Variants in PLEKHA7 observed in about 807,000 individuals in gnomAD.
PLEKHA7 encodes the protein pleckstrin homology domain containing A7.
PLEKHA7 carries 104 observed loss-of-function variants against 170.0 expected under a neutral mutation model. The ratio of observed to expected loss-of-function variants is 0.61; its 90% CI spans 0.52 to 0.72. The LOEUF (loss-of-function observed/expected upper bound fraction) is 0.72, where lower values mean the gene tolerates loss of function less well. PLEKHA7 is among the 30% of genes least tolerant of loss of function. The pLI, the probability that PLEKHA7 is intolerant of heterozygous loss-of-function variation, is 0.00. For synonymous variants in PLEKHA7, 648 were observed against 660.8 expected (o/e 0.98, Z 0.30); for missense variants, 1,615 against 1,671.7 (o/e 0.97, Z 0.59).
chr11:16,974,626 GTTT>G (rs397965149), intron 3 of PLEKHA7: 16,014 of 148,608 alleles, frequency 0.11, 1,378 homozygotes, highest in Middle Eastern at 0.16. Context: ...GATTTCACAG[GTTT>G]TTTTTTTTTT....
intron 3 of PLEKHA7, among the ~76,000 whole-genome samples, chr11:16,972,889 A>C (rs1482220019): frequency 6.6e-6 from 1 of 152,236 alleles, no homozygotes; most frequent in Non-Finnish European, 1.5e-5. Context: ...CCTTGACATA[A>C]TAAAACAAAG....
chr11:16,822,022 A>G (rs1239302841), intron 10 of PLEKHA7, among the ~76,000 whole-genome samples: 1 of 150,252 alleles, frequency 6.7e-6, no homozygotes, highest in East Asian at 1.9e-4. Flanking sequence ...TCCCAGGGAA[A>G]GTCCTATGCC....
At chr11:16,820,921 A>G (rs1850166238) in intron 10 of PLEKHA7, among the ~76,000 whole-genome samples, 1 of 152,236 alleles carries the variant, frequency 6.6e-6, no homozygotes, top group South Asian at 2.1e-4. Flanking sequence ...GGAGGGACAC[A>G]GGAGGAGGTG....
intron 6 of PLEKHA7, among the ~76,000 whole-genome samples, chr11:16,853,428 G>T (rs559183817): frequency 1.3e-5 from 2 of 152,180 alleles, no homozygotes; most frequent in Non-Finnish European, 2.9e-5. Context: ...CATGATATTT[G>T]CTTTGTTTGG....
chr11:16,992,755 CAAAAA>C (rs10610034), intron 3 of PLEKHA7, among the ~76,000 whole-genome samples: 2 of 119,114 alleles, frequency 1.7e-5, no homozygotes. Context: ...GACTCTATCT[CAAAAA>C]AAAAAAAAAA....
At chr11:16,955,664 C>T (rs1861654424) in intron 3 of PLEKHA7, among the ~76,000 whole-genome samples, 1 of 152,150 alleles carries the variant, frequency 6.6e-6, no homozygotes, top group African/African-American at 2.4e-5. Context: ...GTTTTTTCCC[C>T]TCCAGGCCAT....
intron 3 of PLEKHA7, among the ~76,000 whole-genome samples, chr11:16,885,534 G>A: frequency 6.6e-6 from 1 of 151,078 alleles, no homozygotes; most frequent in Non-Finnish European, 1.5e-5. Context: ...AGTGGTGGCG[G>A]AGCCTGTAAT....
At chr11:16,841,968 T>C (rs1361811040) in intron 8 of PLEKHA7, among the ~76,000 whole-genome samples, 1 of 152,210 alleles carries the variant, frequency 6.6e-6, no homozygotes, top group Non-Finnish European at 1.5e-5. Context: ...ATCTTACTCC[T>C]GCTTTGGGAG....
At position 16,938,812 on chromosome 11, in the gene PLEKHA7, C is replaced by T. The variant is rs760568675; in HGVS notation, c.222-67630G>A. 2.0e-5 allele frequency among the ~76,000 whole-genome samples: 3 copies of T among 152,138 alleles called. No homozygotes were observed. The East Asian group carries it at 5.8e-4, about 29-fold the overall frequency. On this transcript the variant is annotated intron_variant, in intron 3 of 26. Coordinates refer to ENST00000531066, the MANE Select transcript of PLEKHA7 (RefSeq NM_001329630.2). ...ATCCATTTCTTGTAAAAAACAACAA[C>T]AACAATGTTCCTCTTCCTGGGAAAA...
rs1848753549 is a variant in PLEKHA7 at position 16,777,380 on chromosome 11, A to T, written c.*1618T>A. On this transcript the variant is annotated 3_prime_UTR_variant, in exon 27 of 27. Coordinates refer to ENST00000531066, the MANE Select transcript of PLEKHA7 (RefSeq NM_001329630.2). ...ATTAACTTTTTCTTGCAAAATATTC[A>T]TTTCATTTTTTCCAAGAAAATCTTA... The T allele has an allele frequency of 1.3e-5, 2 of 152,298 alleles. No homozygotes were observed. Among genetic ancestry groups the T allele is most frequent in the African/African-American group, 4.8e-5 (2 of 41,552 alleles). 9.4% of individuals were successfully genotyped at this position (152,298 alleles called of 1,614,324 possible).
chr11:16,882,403 G>C (rs1264666151), intron 3 of PLEKHA7, among the ~76,000 whole-genome samples: 1 of 152,148 alleles, frequency 6.6e-6, no homozygotes, highest in Non-Finnish European at 1.5e-5. Flanking sequence ...CCCAGGAAGA[G>C]CCCTACCAAT....
chr11:16,888,995 A>C (rs1177142427), intron 3 of PLEKHA7, among the ~76,000 whole-genome samples: 1 of 119,150 alleles, frequency 8.4e-6, no homozygotes, highest in Admixed American at 8.8e-5. Flanking sequence ...TCTGAGCTGA[A>C]GCTCAGCTAT....
intron 3 of PLEKHA7, among the ~76,000 whole-genome samples, chr11:16,928,158 T>TA (rs1272634060): frequency 6.6e-6 from 1 of 152,130 alleles, no homozygotes; most frequent in Non-Finnish European, 1.5e-5. Flanking sequence ...ACCTTAACAT[T>TA]AAAACAGAAT....
intron 4 of PLEKHA7, among the ~76,000 whole-genome samples, chr11:16,860,809 G>A (rs1853885671): frequency 6.6e-6 from 1 of 152,188 alleles, no homozygotes; most frequent in Non-Finnish European, 1.5e-5. Flanking sequence ...GGTGGAAAGA[G>A]CAAGAGCCCA....
intron 23 of PLEKHA7, chr11:16,788,865 C>A (rs1849585312): frequency 3.3e-6 from 2 of 598,200 alleles, no homozygotes; most frequent in African/African-American, 3.7e-5. Flanking sequence ...GGTATTTCCT[C>A]AGGCTCCTGG....
At chr11:16,833,101 T>C (rs897042580) in intron 9 of PLEKHA7, among the ~76,000 whole-genome samples, 3 of 152,176 alleles carry the variant, frequency 2.0e-5, no homozygotes, top group African/African-American at 7.2e-5. Flanking sequence ...GTTTCTTCTT[T>C]TCCCCAGAGT....
intron 16 of PLEKHA7, among the ~76,000 whole-genome samples, chr11:16,801,460 G>A (rs1325800871): frequency 6.6e-6 from 1 of 152,216 alleles, no homozygotes; most frequent in Non-Finnish European, 1.5e-5. Context: ...AGTCGCTGTG[G>A]TAAGCAGCCT....
intron 3 of PLEKHA7, among the ~76,000 whole-genome samples, chr11:17,010,183 T>G (rs1289866995): frequency 6.6e-6 from 1 of 150,902 alleles, no homozygotes; most frequent in African/African-American, 2.4e-5. Flanking sequence ...AGGTCAGGAG[T>G]TTGAGACCAG....
intron 3 of PLEKHA7, among the ~76,000 whole-genome samples, chr11:16,992,079 C>A (rs1565187909): frequency 1.3e-5 from 2 of 152,046 alleles, no homozygotes; most frequent in African/African-American, 4.8e-5. Flanking sequence ...CCAGGGACCC[C>A]CCCCAGCCTG....
Sources: gnomAD v4.1 joint callset for allele counts (sites outside exome capture counted in the v4.1 genomes callset) on GRCh38, gnomAD v4.1.1 for gene constraint, MANE v1.5 for transcripts, NCBI Gene and HGNC (gene_info 2026-07-23, HGNC 2026-07-21) for gene names.